The following TNIK variants were observed in gnomAD, a reference collection of about 807,000 sequenced individuals.
TNIK encodes TRAF2 and NCK-interacting protein kinase.
A neutral mutation model predicts 191.3 loss-of-function variants in TNIK; 49 were observed. The ratio of observed to expected loss-of-function variants is 0.26; its 90% confidence interval spans 0.20 to 0.32. TNIK has a LOEUF of 0.32. Ranked by LOEUF, TNIK falls within the 10% of genes least tolerant of loss-of-function variation. The pLI is 1.00. For missense variants in TNIK, 1,155 were observed against 1,702.3 expected, an observed-to-expected ratio of 0.68 and a Z score of 5.66; for synonymous variants, 594 against 600.9, an observed-to-expected ratio of 0.99 and a Z score of 0.17.
chr3:171,280,942 T>C (rs1361967276), intron 2 of TNIK, among the ~76,000 whole-genome samples: 2 of 152,208 alleles, frequency 1.3e-5, no homozygotes, highest in African/African-American at 4.8e-5. Context: ...AGACAAAATC[T>C]AGAACACTCA....
chr3:171,087,080 C>T (rs997680844), intron 24 of TNIK, among the ~76,000 whole-genome samples: 8 of 152,156 alleles, frequency 5.3e-5, no homozygotes, highest in Non-Finnish European at 1.0e-4. Flanking sequence ...AGCTGTGTGT[C>T]TTGGACAAGT....
At chr3:171,106,686 A>G (rs1368837885) in intron 21 of TNIK, 3 of 534,120 alleles carry the variant, frequency 5.6e-6, no homozygotes, top group Non-Finnish European at 1.2e-5. Flanking sequence ...TTAACTTTCC[A>G]GGATTCATTA....
intron 25 of TNIK, 53 bp downstream of exon 25, chr3:171,085,065 T>C: frequency 1.4e-6 from 2 of 1,434,358 alleles, no homozygotes; most frequent in Non-Finnish European, 1.9e-6. Context: ...TATCAGGTCA[T>C]ACCAGAAAGG....
Position 171,066,572 on chromosome 3 carries a change from C to A in TNIK, c.3859+4G>T. The A allele has an allele frequency of 6.2e-7, 1 of 1,612,956 alleles. No homozygotes were observed. The highest frequency in any genetic ancestry group is 8.5e-7 in the Non-Finnish European group (1 of 1,179,766). On this transcript the variant is annotated splice_donor_region_variant and intron_variant, in intron 31 of 32. Transcript: ENST00000436636. Reference sequence around the variant, plus strand: ...CTGAAGGAGATAAGGAATGGTTAACCTACCCACAGACGTGGGCATTTCTCC... The same window carrying A: ...CTGAAGGAGATAAGGAATGGTTAACATACCCACAGACGTGGGCATTTCTCC...
chr3:171,371,725 T>C (rs766470953), intron 1 of TNIK, among the ~76,000 whole-genome samples: 6 of 151,910 alleles, frequency 3.9e-5, no homozygotes, highest in Non-Finnish European at 8.8e-5. Context: ...TACTAGGCCA[T>C]TAGAGCAGCA....
Position 171,183,835 on chromosome 3 carries a change from C to T in TNIK, c.639+4867G>A, listed in dbSNP as rs905013298. ...ACTCAGGAGGCTGAGGCAGGAGAAT[C>T]GCTTGAACCCAGGAGGCAGAGGTTG... On this transcript the variant is annotated intron_variant, in intron 7 of 32. Coordinates refer to ENST00000436636, the MANE Select transcript of TNIK (RefSeq NM_015028.4). 7.1e-4 allele frequency among the ~76,000 whole-genome samples: 105 copies of T among 147,920 alleles called. 1 individual carries two copies. Among genetic ancestry groups the T allele is most frequent in the African/African-American group, 2.6e-3 (102 of 39,948 alleles).
At chr3:171,271,329 T>A (rs1749075095) in intron 2 of TNIK, among the ~76,000 whole-genome samples, 1 of 152,212 alleles carries the variant, frequency 6.6e-6, no homozygotes, top group Non-Finnish European at 1.5e-5. Flanking sequence ...CACTCCAAGA[T>A]CATAAACATC....
At chr3:171,194,668 A>G in intron 4 of TNIK, 33 bp from the exon 5 acceptor site, 1 of 1,598,272 alleles carries the variant, frequency 6.3e-7, no homozygotes, top group Non-Finnish European at 8.6e-7. Flanking sequence ...CATTATTTTA[A>G]TGATGCTTCA....
chr3:171,187,561 C>A (rs993275341), intron 7 of TNIK, among the ~76,000 whole-genome samples: 3 of 152,044 alleles, frequency 2.0e-5, no homozygotes, highest in African/African-American at 7.2e-5. Context: ...TAAAAATATT[C>A]CTTAAAAGTG....
intron 2 of TNIK, among the ~76,000 whole-genome samples, chr3:171,294,689 C>G (rs1391269058): frequency 5.9e-5 from 9 of 152,058 alleles, no homozygotes; most frequent in Admixed American, 4.6e-4. Context: ...CCATTGCACT[C>G]TAGCCTGGGC....
chr3:171,257,973 A>C (rs1280520240), intron 2 of TNIK, among the ~76,000 whole-genome samples: 3 of 152,294 alleles, frequency 2.0e-5, no homozygotes, highest in African/African-American at 4.8e-5. Flanking sequence ...TGGTTCCTGC[A>C]TTTGGAGATT....
At chr3:171,408,002 T>C (rs1046111024) in intron 1 of TNIK, among the ~76,000 whole-genome samples, 4 of 152,094 alleles carry the variant, frequency 2.6e-5, no homozygotes, top group Non-Finnish European at 4.4e-5. Flanking sequence ...TGTCCATAAA[T>C]GGCTGAAGAT....
chr3:171,393,007 G>A (rs1316589472), intron 1 of TNIK, among the ~76,000 whole-genome samples: 2 of 151,986 alleles, frequency 1.3e-5, no homozygotes, highest in African/African-American at 2.4e-5. Flanking sequence ...CCTTTACAAT[G>A]CAGGCATTTC....
At chr3:171,073,772 A>G (rs778784983) in intron 28 of TNIK, among the ~76,000 whole-genome samples, 77 of 152,074 alleles carry the variant, frequency 5.1e-4, no homozygotes, top group Non-Finnish European at 8.7e-4. Context: ...ATCACTGAAC[A>G]TCAGAGAAAT....
chr3:171,326,944 A>G (rs1289151107), intron 2 of TNIK, among the ~76,000 whole-genome samples: 2 of 152,006 alleles, frequency 1.3e-5, no homozygotes, highest in African/African-American at 4.8e-5. Context: ...AGAATCATCT[A>G]CTCCTACAGG....
At chr3:171,248,974 G>A (rs924841276) in intron 2 of TNIK, among the ~76,000 whole-genome samples, 2 of 152,134 alleles carry the variant, frequency 1.3e-5, no homozygotes, top group African/African-American at 2.4e-5. Context: ...AGACTAGGAC[G>A]ACGTTATAAA....
intron 2 of TNIK, among the ~76,000 whole-genome samples, chr3:171,333,401 A>G (rs987004377): frequency 3.3e-5 from 5 of 151,838 alleles, no homozygotes; most frequent in African/African-American, 9.7e-5. Context: ...ACTAAAAAGT[A>G]CAAAAATTAG....
chr3:171,389,063 G>A lies in TNIK; in HGVS notation c.58-19378C>T, dbSNP rs190095209. ...ATCCTGACATGAACTCTCTAAGGTG[G>A]ACATTAGTATTTTAATTTTATAGAA... On this transcript the variant is annotated intron_variant, in intron 1 of 32. Coordinates refer to ENST00000436636, the MANE Select transcript of TNIK (RefSeq NM_015028.4). 4.1e-4 allele frequency among the ~76,000 whole-genome samples: 63 copies of A among 152,166 alleles called. 1 individual carries two copies. In the East Asian group the frequency reaches 0.011, roughly 27 times the overall value.
intron 1 of TNIK, among the ~76,000 whole-genome samples, chr3:171,412,133 T>C (rs1436840256): frequency 6.6e-6 from 1 of 152,124 alleles, no homozygotes; most frequent in Admixed American, 6.5e-5. Context: ...ACCCTTTCTC[T>C]TGGAGAAGAG....
Sources: allele counts gnomAD v4.1 joint callset (sites outside exome capture counted in the v4.1 genomes callset), GRCh38; gene constraint gnomAD v4.1.1; transcripts MANE v1.5; gene names NCBI Gene and HGNC (gene_info 2026-07-23, HGNC 2026-07-21).